The following ARHGEF28 variants were observed in gnomAD, a reference collection of about 807,000 sequenced individuals.
ARHGEF28 encodes the protein Rho guanine nucleotide exchange factor 28.
Under a neutral mutation model 206.6 loss-of-function variants are expected in ARHGEF28, and 152 were observed. The ratio of observed to expected loss-of-function variants is 0.74; its 90% confidence interval spans 0.64 to 0.84. The LOEUF is 0.84. Among genes scored for constraint, ARHGEF28 ranks in the 40% least tolerant of loss-of-function variants. The pLI is 0.00. For missense variants in ARHGEF28, 2,028 were observed against 2,073.2 expected (o/e 0.98, Z 0.42); for synonymous variants, 763 against 776.4 (o/e 0.98, Z 0.29).
At chr5:73,845,986 C>CAAAAAAAAAAAAAAAAAAAAAAA (rs57600570) in intron 11 of ARHGEF28, among the ~76,000 whole-genome samples, 4 of 63,766 alleles carry the variant, frequency 6.3e-5, no homozygotes, top group Non-Finnish European at 1.0e-4. Context: ...AAAACTGTCT[C>CAAAAAAAAAAAAAAAAAAAAAAA]AAAAAAAAAA....
At chr5:73,861,256 T>A (rs1338937491) in intron 16 of ARHGEF28, among the ~76,000 whole-genome samples, 1 of 152,180 alleles carries the variant, frequency 6.6e-6, no homozygotes, top group Non-Finnish European at 1.5e-5. Flanking sequence ...AATATGTTGG[T>A]TCATTGAGTT....
chr5:73,917,931 C>A (rs530880169), intron 35 of ARHGEF28, among the ~76,000 whole-genome samples: 1 of 152,194 alleles, frequency 6.6e-6, no homozygotes, highest in Admixed American at 6.5e-5. Context: ...AATTTGTATA[C>A]CAAACATAAC....
At chr5:73,717,506 A>T (rs535101255) in intron 2 of ARHGEF28, among the ~76,000 whole-genome samples, 2 of 152,270 alleles carry the variant, frequency 1.3e-5, no homozygotes, top group Middle Eastern at 3.4e-3. Flanking sequence ...ATTTGCGAAA[A>T]CTGTAATGAT....
At chr5:73,921,250 A>G (rs1402534977) in intron 35 of ARHGEF28, among the ~76,000 whole-genome samples, 1 of 152,228 alleles carries the variant, frequency 6.6e-6, no homozygotes, top group Non-Finnish European at 1.5e-5. Context: ...CTTAAGAAAT[A>G]GATCCCTTTG....
intron 22 of ARHGEF28, 34 bp downstream of exon 22, chr5:73,873,280 C>T (rs148879865): frequency 4.3e-5 from 68 of 1,566,464 alleles, no homozygotes; most frequent in East Asian, 2.7e-4. Flanking sequence ...ACCTTTATGA[C>T]GTAAGTGGGA....
At chr5:73,748,045 A>G (rs1052937938) in intron 2 of ARHGEF28, among the ~76,000 whole-genome samples, 1 of 152,230 alleles carries the variant, frequency 6.6e-6, no homozygotes, top group Non-Finnish European at 1.5e-5. Flanking sequence ...AAAATCACGA[A>G]CAGGTCAGGT....
Position 73,883,903 on chromosome 5 carries a change from G to A in ARHGEF28, c.3055+19G>A. On this transcript the variant is annotated intron_variant, in intron 24 of 35. Coordinates refer to ENST00000513042, the MANE Select transcript of ARHGEF28 (RefSeq NM_001177693.2). ...ACAAAGGGTAAGTTGTGACTTCTGG[G>A]ATAAAAATTTGCCCCTCTTATTAGT... is the stretch of plus-strand genomic sequence containing the variant. 3 of 1,460,346 alleles carry A rather than the reference G, an allele frequency of 2.1e-6. No individual in the cohort carries two copies. Among genetic ancestry groups the A allele is most frequent in the Non-Finnish European group, 2.7e-6 (3 of 1,093,740 alleles). 90.5% of individuals were successfully genotyped at this position (1,460,346 alleles called of 1,614,324 possible). A position where few individuals can be genotyped will look rare whatever the true frequency, so the allele number is the denominator to read the frequency against.
In ARHGEF28 at chr5:73,630,713, G is replaced by A. The variant is rs569107264; in HGVS notation, c.-12+4391G>A. On this transcript the variant is annotated intron_variant, in intron 1 of 35. Transcript: ENST00000513042. Reference sequence around the variant, plus strand: ...AATATTCCTACTGGAACCCTATCTGGTCCCAGTTTCCTCATCCAGTAAAAT... The same window carrying A: ...AATATTCCTACTGGAACCCTATCTGATCCCAGTTTCCTCATCCAGTAAAAT... Among the ~76,000 whole-genome samples, 19 of 152,232 alleles carry A rather than the reference G, an allele frequency of 1.2e-4. No homozygotes were observed. The South Asian group carries it at 1.7e-3, about 13-fold the overall frequency.
Position 73,773,966 on chromosome 5 carries a change from A to C in ARHGEF28, c.587A>C (p.Asn196Thr), listed in dbSNP as rs768556244. ...GGAGTCCAGGCCTTGGCTTTACCCA[A>C]CGAAGAGGGTGCCACACCATTAGAC... is the stretch of plus-strand genomic sequence containing the variant. Reference protein sequence around the residue: ...PGGVQALALPNEEGATPLDLA... With the variant: ...PGGVQALALPTEEGATPLDLA... The change falls in exon 5 of 36, where the codon AAC (asparagine) becomes ACC (threonine). Residue 196 changes from asparagine to threonine, a missense_variant. Coordinates refer to ENST00000513042, the MANE Select transcript of ARHGEF28 (RefSeq NM_001177693.2). 3 of 1,607,320 alleles carry C rather than the reference A, an allele frequency of 1.9e-6. No individual in the cohort carries two copies. Among genetic ancestry groups the C allele is most frequent in the Admixed American group, 1.7e-5 (1 of 59,136 alleles).
chr5:73,897,175 A>G (rs1242863999), intron 29 of ARHGEF28, among the ~76,000 whole-genome samples: 3 of 152,206 alleles, frequency 2.0e-5, no homozygotes, highest in Admixed American at 2.0e-4. Context: ...CTGTAAAAAC[A>G]TATTCCGAAT....
chr5:73,893,497 A>G (rs1377142734), intron 28 of ARHGEF28: 2 of 421,546 alleles, frequency 4.7e-6, no homozygotes, highest in African/African-American at 4.0e-5. Context: ...AAATGGATGT[A>G]AAAAATGCAC....
chr5:73,848,828 G>A, intron 12 of ARHGEF28, 148 bp from the exon 13 acceptor site: 2 of 624,502 alleles, frequency 3.2e-6, no homozygotes, highest in Admixed American at 6.8e-5. Context: ...ATTGTGAGAG[G>A]AAAACAGAAA....
intron 1 of ARHGEF28, among the ~76,000 whole-genome samples, chr5:73,666,860 C>G (rs1242839891): frequency 2.0e-5 from 3 of 152,200 alleles, no homozygotes; most frequent in Non-Finnish European, 4.4e-5. Flanking sequence ...AAAGGAGAAA[C>G]ATGAGCATGC....
intron 2 of ARHGEF28, among the ~76,000 whole-genome samples, chr5:73,731,018 A>C (rs1329400479): frequency 1.3e-5 from 2 of 151,954 alleles, no homozygotes; most frequent in Non-Finnish European, 2.9e-5. Context: ...AGCTAAAAAA[A>C]AAAAACCCTC....
At chr5:73,817,480 T>C (rs1296660986) in intron 9 of ARHGEF28, among the ~76,000 whole-genome samples, 1 of 152,246 alleles carries the variant, frequency 6.6e-6, no homozygotes, top group African/African-American at 2.4e-5. Flanking sequence ...ATATTGTCTC[T>C]GTTTTATAGG....
intron 1 of ARHGEF28, among the ~76,000 whole-genome samples, chr5:73,638,132 A>G (rs1743843660): frequency 6.6e-6 from 1 of 152,254 alleles, no homozygotes; most frequent in Non-Finnish European, 1.5e-5. Context: ...TTTTTTGAAC[A>G]TACATAATTA....
chr5:73,877,290 C>T (rs1350083267), intron 22 of ARHGEF28, among the ~76,000 whole-genome samples: 13 of 149,942 alleles, frequency 8.7e-5, no homozygotes, highest in African/African-American at 2.2e-4. Flanking sequence ...TTTTTTATTG[C>T]GTCTATTTGA....
intron 8 of ARHGEF28, 122 bp from the exon 9 acceptor site, chr5:73,795,206 GTGA>G: frequency 1.2e-6 from 1 of 806,246 alleles, no homozygotes; most frequent in Non-Finnish European, 2.0e-6. Flanking sequence ...CTGTTTACAT[GTGA>G]TGATACTTGT....
At chr5:73,701,781 C>T (rs948516088) in intron 2 of ARHGEF28, among the ~76,000 whole-genome samples, 2 of 152,132 alleles carry the variant, frequency 1.3e-5, no homozygotes, top group Non-Finnish European at 2.9e-5. Context: ...AGTTGTTGTG[C>T]GTATCGAGGG....
Sources: allele counts gnomAD v4.1 joint callset (sites outside exome capture counted in the v4.1 genomes callset), GRCh38; gene constraint gnomAD v4.1.1; transcripts MANE v1.5; gene names NCBI Gene and HGNC (gene_info 2026-07-23, HGNC 2026-07-21).